LIN28B: variants seen among roughly 807,000 people sequenced by gnomAD.
The protein encoded by LIN28B is lin-28 RNA binding posttranscriptional regulator B.
Under a neutral mutation model 21.9 loss-of-function variants are expected in LIN28B, and 5 were observed. The observed-to-expected ratio is 0.23, with a 90% CI of 0.12 to 0.48. The LOEUF is 0.48. LIN28B is among the 20% of genes least tolerant of loss of function. The probability of loss-of-function intolerance (pLI) is 0.98; values close to 1 mark genes in which losing one functional copy is unlikely to be tolerated. For synonymous variants in LIN28B, 109 were observed against 111.3 expected (o/e 0.98, Z 0.13); for missense variants, 245 against 310.5 (o/e 0.79, Z 1.58).
At chr6:104,996,717 T>C (rs542550712) in intron 2 of LIN28B, among the ~76,000 whole-genome samples, 2 of 152,328 alleles carry the variant, frequency 1.3e-5, no homozygotes, top group South Asian at 2.1e-4. Context: ...TTAACCAGGT[T>C]GTGGTATGAT....
intron 3 of LIN28B, among the ~76,000 whole-genome samples, chr6:105,035,007 T>A (rs143127034): frequency 3.3e-5 from 5 of 151,994 alleles, no homozygotes; most frequent in Non-Finnish European, 7.4e-5. Context: ...CCCACCCACC[T>A]CTACAGCAAT....
At chr6:104,956,984 G>C, upstream of LIN28B, 1 of 948,998 alleles carries the variant, frequency 1.1e-6, no homozygotes. Flanking sequence ...ATGGCGATTG[G>C]TTATCTCTTC....
chr6:105,070,625 C>CACACACACACACACAG (rs1278351255), intron 3 of LIN28B, among the ~76,000 whole-genome samples: 2 of 150,998 alleles, frequency 1.3e-5, no homozygotes, highest in African/African-American at 4.9e-5. Context: ...CACACACACA[C>CACACACACACACACAG]ACACACACAC....
intron 2 of LIN28B, among the ~76,000 whole-genome samples, chr6:105,016,739 A>T (rs1296708676): frequency 6.6e-6 from 1 of 152,074 alleles, no homozygotes; most frequent in Admixed American, 6.5e-5. Context: ...CTTTCCTTTC[A>T]AGAAGTTAGT....
At chr6:105,064,886 A>G (rs1351228253) in intron 3 of LIN28B, among the ~76,000 whole-genome samples, 1 of 152,236 alleles carries the variant, frequency 6.6e-6, no homozygotes, top group Admixed American at 6.5e-5. Flanking sequence ...AAAACTCATC[A>G]TTCAAATACT....
At chr6:105,060,983 G>T (rs966400440) in intron 3 of LIN28B, among the ~76,000 whole-genome samples, 1 of 151,606 alleles carries the variant, frequency 6.6e-6, no homozygotes, top group Non-Finnish European at 1.5e-5. Flanking sequence ...CTCTAGAAAG[G>T]TACTGAGAAC....
intron 2 of LIN28B, among the ~76,000 whole-genome samples, chr6:104,971,896 C>T (rs1469880639): frequency 6.6e-6 from 1 of 152,174 alleles, no homozygotes; most frequent in Non-Finnish European, 1.5e-5. Context: ...AAAACACTAA[C>T]AACTATTATT....
At chr6:104,986,990 ATACCAAAGCATGTATACCCTGAAC>A (rs1770360405) in intron 2 of LIN28B, among the ~76,000 whole-genome samples, 2 of 152,212 alleles carry the variant, frequency 1.3e-5, no homozygotes, top group African/African-American at 4.8e-5. Flanking sequence ...TTTTTCAGAC[ATACCAAAGCATGTATACCCTGAAC>A]TGCAATTCTT....
At chr6:104,947,537 T>A (rs1477773093) in intron 2 of LIN28B, among the ~76,000 whole-genome samples, 1 of 152,164 alleles carries the variant, frequency 6.6e-6, no homozygotes, top group African/African-American at 2.4e-5. Flanking sequence ...TTGTGAAGAA[T>A]ATTGTTATAT....
Position 105,003,124 on chromosome 6 carries a change from C to T in LIN28B, c.199-23174C>T, listed in dbSNP as rs544423434. On this transcript the variant is annotated intron_variant, in intron 2 of 3. Transcript: ENST00000345080. ...TCTAAGCATTTTCTTCCCATAGGTA[C>T]GACTTTTATAAAAGACCTATGGTTT... Among the ~76,000 whole-genome samples, 101 of 152,108 alleles carry T rather than the reference C, an allele frequency of 6.6e-4. No homozygotes were observed. In the South Asian group the frequency reaches 0.018, roughly 27 times the overall value.
intron 3 of LIN28B, among the ~76,000 whole-genome samples, chr6:105,036,451 TTTC>T (rs753395245): frequency 7.2e-5 from 11 of 152,220 alleles, no homozygotes; most frequent in Admixed American, 5.2e-4. Context: ...ATCCAAGTCC[TTTC>T]TTCTTGTGAT....
intron 2 of LIN28B, among the ~76,000 whole-genome samples, chr6:105,008,630 C>T (rs1328367491): frequency 2.1e-5 from 3 of 145,616 alleles, no homozygotes; most frequent in East Asian, 2.0e-4. Context: ...GGCGACAGAA[C>T]GAGACTACAT....
intron 2 of LIN28B, among the ~76,000 whole-genome samples, chr6:105,023,338 TTA>T (rs1414354120): frequency 7.0e-5 from 2 of 28,658 alleles, no homozygotes; most frequent in African/African-American, 2.8e-4. Context: ...TATAATTATA[TTA>T]TATATAATAT....
At chr6:104,943,294 C>A (rs1778118001) in intron 2 of LIN28B, among the ~76,000 whole-genome samples, 1 of 151,930 alleles carries the variant, frequency 6.6e-6, no homozygotes, top group South Asian at 2.1e-4. Context: ...GGTATCTGAT[C>A]TGGTAACATG....
intron 3 of LIN28B, among the ~76,000 whole-genome samples, chr6:105,049,850 G>C (rs1223542063): frequency 2.7e-5 from 4 of 150,712 alleles, no homozygotes; most frequent in African/African-American, 4.9e-5. Context: ...TTTCCATTTG[G>C]TTGGTAGATA....
intron 2 of LIN28B, among the ~76,000 whole-genome samples, chr6:105,003,533 G>A (rs1770758135): frequency 6.6e-6 from 1 of 151,496 alleles, no homozygotes; most frequent in Non-Finnish European, 1.5e-5. Flanking sequence ...TTTTTTGAGA[G>A]ACGGATTCTT....
chr6:105,036,939 ATTAAT>A (rs1771533467), intron 3 of LIN28B, among the ~76,000 whole-genome samples: 1 of 133,100 alleles, frequency 7.5e-6, no homozygotes, highest in African/African-American at 2.5e-5. Flanking sequence ...TAAAAAGGAA[ATTAAT>A]TTAGCCTCTA....
chr6:104,987,248 T>G (rs969056552), intron 2 of LIN28B, among the ~76,000 whole-genome samples: 2 of 152,248 alleles, frequency 1.3e-5, no homozygotes, highest in African/African-American at 4.8e-5. Context: ...TTTTTACATT[T>G]TATTTTCCAC....
intron 2 of LIN28B, among the ~76,000 whole-genome samples, chr6:104,966,154 G>C (rs1048802070): frequency 2.6e-5 from 4 of 152,108 alleles, no homozygotes; most frequent in Non-Finnish European, 5.9e-5. Flanking sequence ...TACATAATTA[G>C]TATTATAAAG....
Sources: gnomAD v4.1 joint callset for allele counts (sites outside exome capture counted in the v4.1 genomes callset) on GRCh38, gnomAD v4.1.1 for gene constraint, MANE v1.5 for transcripts, NCBI Gene and HGNC (gene_info 2026-07-23, HGNC 2026-07-21) for gene names.